Variants in WFDC11 observed in about 807,000 individuals in gnomAD.
WFDC11 encodes WAP four-disulfide core domain 11, also known as protein WFDC11.
Under a neutral mutation model 9.9 loss-of-function variants are expected in WFDC11, and 9 were observed. The observed-to-expected ratio is 0.91, with a 90% CI of 0.55 to 1.58. The LOEUF is 1.58. WFDC11 is among the 40% of genes most tolerant of loss of function. The probability of loss-of-function intolerance (pLI) is 0.00; values close to 1 mark genes in which losing one functional copy is unlikely to be tolerated. For missense variants in WFDC11, 106 were observed against 101.7 expected (o/e 1.04, Z -0.18); for synonymous variants, 32 against 33.3 (o/e 0.96, Z 0.13).
intron 2 of WFDC11, among the ~76,000 whole-genome samples, chr20:45,660,033 T>C (rs1222248322): frequency 1.3e-5 from 2 of 152,104 alleles, no homozygotes. Context: ...AGATGTGTGG[T>C]GTTATTTCTA....
intron 1 of WFDC11, among the ~76,000 whole-genome samples, chr20:45,667,971 G>A (rs1350591808): frequency 6.6e-6 from 1 of 152,230 alleles, no homozygotes; most frequent in African/African-American, 2.4e-5. Flanking sequence ...GTGACCCAGT[G>A]AGTTTAGTGC....
intron 2 of WFDC11, among the ~76,000 whole-genome samples, chr20:45,663,761 T>C (rs1030034833): frequency 6.6e-6 from 1 of 152,258 alleles, no homozygotes; most frequent in African/African-American, 2.4e-5. Context: ...TAATCTTGAA[T>C]TCTAATTTGG....
rs140596912 is a variant in WFDC11 at position 45,665,118 on chromosome 20, T to C, written c.-52+1970A>G. 1.5e-4 allele frequency among the ~76,000 whole-genome samples: 23 copies of C among 152,342 alleles called. No homozygotes were observed. In the East Asian group the frequency reaches 4.1e-3, roughly 27 times the overall value. The stretch of plus-strand genomic sequence containing the variant: ...TCTTGGAGGCTTTGTTCATTTCTTT[T>C]TACTCTTTTTTCTCTAACCTTGTCT... On this transcript the variant is annotated intron_variant, in intron 2 of 4. Coordinates refer to ENST00000324384, the MANE Select transcript of WFDC11 (RefSeq NM_147197.2).
chr20:45,664,137 G>A (rs893583725), intron 2 of WFDC11, among the ~76,000 whole-genome samples: 4 of 152,218 alleles, frequency 2.6e-5, no homozygotes, highest in Non-Finnish European at 5.9e-5. Flanking sequence ...ATTTAAGATA[G>A]TTAGCTCTTC....
chr20:45,661,279 G>C (rs1206202463), intron 2 of WFDC11, among the ~76,000 whole-genome samples: 1 of 151,966 alleles, frequency 6.6e-6, no homozygotes, highest in Admixed American at 6.6e-5. Flanking sequence ...TTTTTTTCTT[G>C]TAAATTTGTT....
chr20:45,663,515 T>C (rs1355773363), intron 2 of WFDC11, among the ~76,000 whole-genome samples: 1 of 152,212 alleles, frequency 6.6e-6, no homozygotes, highest in East Asian at 1.9e-4. Flanking sequence ...TTAATTGTGA[T>C]GTTAGGGTGT....
intron 3 of WFDC11, 107 bp downstream of exon 3, chr20:45,650,394 A>G: frequency 1.2e-6 from 1 of 825,244 alleles, no homozygotes. Flanking sequence ...GGGTGATACT[A>G]CGAAGGTGGG....
intron 2 of WFDC11, among the ~76,000 whole-genome samples, chr20:45,657,930 A>T (rs934099147): frequency 2.0e-5 from 3 of 152,218 alleles, no homozygotes; most frequent in Non-Finnish European, 4.4e-5. Context: ...TAGCAATTCC[A>T]CTATATCGAT....
At chr20:45,649,681 C>T (rs78065887) in intron 3 of WFDC11, among the ~76,000 whole-genome samples, 8,068 of 152,200 alleles carry the variant, frequency 0.053, 302 homozygotes, top group African/African-American at 0.1. Context: ...AGCATCCCAA[C>T]GATAAAACTC....
intron 2 of WFDC11, among the ~76,000 whole-genome samples, chr20:45,665,257 A>G (rs2145624033): frequency 6.6e-6 from 1 of 152,284 alleles, no homozygotes; most frequent in South Asian, 2.1e-4. Flanking sequence ...CATGGTTTTC[A>G]GCTCCATCAG....
At chr20:45,659,789 A>G (rs1329367381) in intron 2 of WFDC11, among the ~76,000 whole-genome samples, 1 of 152,150 alleles carries the variant, frequency 6.6e-6, no homozygotes, top group African/African-American at 2.4e-5. Flanking sequence ...GCCTTTGCTC[A>G]TCCCTATGTC....
intron 2 of WFDC11, among the ~76,000 whole-genome samples, chr20:45,660,520 T>C (rs1983032530): frequency 6.6e-6 from 1 of 152,174 alleles, no homozygotes; most frequent in African/African-American, 2.4e-5. Context: ...ACCCATTCAC[T>C]CGTCATTTAG....
Position 45,663,077 on chromosome 20 carries a change from A to C in WFDC11, c.-52+4011T>G, listed in dbSNP as rs1983106967. Among the ~76,000 whole-genome samples the C allele has an allele frequency of 2.0e-5, 3 of 152,076 alleles. No homozygotes were observed. In the South Asian group the frequency reaches 6.2e-4, roughly 31 times the overall value. On this transcript the variant is annotated intron_variant, in intron 2 of 4. Coordinates refer to ENST00000324384, the MANE Select transcript of WFDC11 (RefSeq NM_147197.2). ...GACTTTTTTTGGTTGGTAGGCTATT[A>C]ATTATTGCCTCAATTTCAAAGCCTG...
chr20:45,657,635 ATAAAAC>A (rs1982965924), intron 2 of WFDC11, among the ~76,000 whole-genome samples: 1 of 152,236 alleles, frequency 6.6e-6, no homozygotes, highest in African/African-American at 2.4e-5. Flanking sequence ...TGTTGAAACT[ATAAAAC>A]TAAAGCAGCC....
intron 2 of WFDC11, among the ~76,000 whole-genome samples, chr20:45,653,711 G>T (rs569542090): frequency 6.6e-6 from 1 of 152,186 alleles, no homozygotes; most frequent in African/African-American, 2.4e-5. Flanking sequence ...ACACACATAC[G>T]CTCAAAATAA....
At chr20:45,655,484 G>T (rs917156631) in intron 2 of WFDC11, among the ~76,000 whole-genome samples, 8 of 152,068 alleles carry the variant, frequency 5.3e-5, no homozygotes, top group Non-Finnish European at 7.4e-5. Flanking sequence ...TCATACTGAA[G>T]GGGCAAAAAC....
intron 1 of WFDC11, among the ~76,000 whole-genome samples, chr20:45,668,677 A>T (rs1983235619): frequency 6.6e-6 from 1 of 152,082 alleles, no homozygotes; most frequent in Non-Finnish European, 1.5e-5. Flanking sequence ...TTATGTACAT[A>T]TATATTTTTA....
chr20:45,661,412 T>C (rs1189207402), intron 2 of WFDC11, among the ~76,000 whole-genome samples: 2 of 151,686 alleles, frequency 1.3e-5, no homozygotes, highest in South Asian at 2.1e-4. Flanking sequence ...GCAGAAGCTC[T>C]TTAGTTTAAT....
chr20:45,655,322 C>A (rs1013872328), intron 2 of WFDC11, among the ~76,000 whole-genome samples: 1 of 152,078 alleles, frequency 6.6e-6, no homozygotes, highest in Admixed American at 6.5e-5. Flanking sequence ...ACATAACCAA[C>A]GACAAAAACC....
Sources: gnomAD v4.1 joint callset for allele counts (sites outside exome capture counted in the v4.1 genomes callset) on GRCh38, gnomAD v4.1.1 for gene constraint, MANE v1.5 for transcripts, NCBI Gene and HGNC (gene_info 2026-07-23, HGNC 2026-07-21) for gene names.